The following AMTN variants were observed in gnomAD, a reference collection of about 807,000 sequenced individuals.
AMTN encodes amelotin, also known as RSTI689.
AMTN carries 29 observed loss-of-function variants against 27.4 expected under a neutral mutation model. The ratio of observed to expected loss-of-function variants is 1.06; its 90% CI spans 0.79 to 1.44. The LOEUF is 1.44. Among genes scored for constraint, AMTN ranks in the 40% most tolerant of loss-of-function variants. AMTN has a pLI of 0.00. For synonymous variants in AMTN, 86 were observed against 95.7 expected, an observed-to-expected ratio of 0.90 and a Z score of 0.59; for missense variants, 247 against 248.8, an observed-to-expected ratio of 0.99 and a Z score of 0.05.
At chr4:70,526,123 T>G (rs1237678147) in intron 5 of AMTN, among the ~76,000 whole-genome samples, 1 of 152,130 alleles carries the variant, frequency 6.6e-6, no homozygotes, top group Non-Finnish European at 1.5e-5. Context: ...AATTTACATA[T>G]AAGCAAAAAA....
Position 70,524,896 on chromosome 4 carries a change from C to G in AMTN, c.229C>G (p.Pro77Ala), listed in dbSNP as rs927313707. Residue 77 changes from proline (P) to alanine (A), a missense_variant, in exon 5 of 9, where the codon CCT becomes GCT. Transcript: ENST00000339336. Reference protein sequence around the residue: ...HLLNPAAGMTPGTQTHPLTLG... With the variant: ...HLLNPAAGMTAGTQTHPLTLG... ...GTTAAATCCTGCTGCAGGAATGACA[C>G]CTGGTACCCAGACCCACCCATTGAC... is the stretch of plus-strand genomic sequence containing the variant. 6.2e-7 allele frequency: 1 copy of G among 1,614,032 alleles called. No homozygotes were observed.
intron 5 of AMTN, 85 bp downstream of exon 5, chr4:70,525,046 T>C (rs1216539842): frequency 1.5e-6 from 2 of 1,308,568 alleles, no homozygotes; most frequent in Non-Finnish European, 2.1e-6. Context: ...TTTTTAAAGC[T>C]TCTTGAAAAT....
chr4:70,530,865 A>G (rs1466413784), intron 7 of AMTN, among the ~76,000 whole-genome samples, 174 bp from the exon 8 acceptor site: 2 of 152,196 alleles, frequency 1.3e-5, no homozygotes, highest in African/African-American at 4.8e-5. Context: ...CCAGTATTGA[A>G]TCAGACTAGG....
chr4:70,532,729 T>C lies in AMTN; in HGVS notation c.*264T>C, dbSNP rs1016627310. 2.8e-6 allele frequency: 1 copy of C among 358,330 alleles called. No individual in the cohort carries two copies. The highest frequency in any genetic ancestry group is 2.1e-5 in the African/African-American group (1 of 47,194). The allele number at this position is 358,330 out of a possible 1,614,324, so 22.2% of individuals were successfully genotyped here. On this transcript the variant is annotated 3_prime_UTR_variant, in exon 9 of 9. Coordinates refer to ENST00000339336, the MANE Select transcript of AMTN (RefSeq NM_212557.4). ...CCTGGATGATATGCATATTAAAACATATTTGGAAAACTGACTCTTTTTCTT... is the reference window on the plus strand; with the variant it reads ...CCTGGATGATATGCATATTAAAACACATTTGGAAAACTGACTCTTTTTCTT...
chr4:70,518,710 C>A, intron 1 of AMTN, 53 bp from the exon 2 acceptor site: 2 of 1,276,232 alleles, frequency 1.6e-6, no homozygotes, highest in African/African-American at 1.5e-5. Context: ...GTATCATTTT[C>A]TCTTAAAAGG....
At chr4:70,522,668 T>C in intron 2 of AMTN, 87 bp from the exon 3 acceptor site, 1 of 1,229,382 alleles carries the variant, frequency 8.1e-7, no homozygotes, top group South Asian at 1.2e-5. Flanking sequence ...ATAGACATGT[T>C]TGCATTGGTG....
chr4:70,529,288 G>C, intron 7 of AMTN, 78 bp downstream of exon 7: 2 of 1,123,166 alleles, frequency 1.8e-6, no homozygotes, highest in Non-Finnish European at 1.2e-6. Context: ...AGTCTCTTTT[G>C]ACCATAAATC....
Position 70,518,704 on chromosome 4 carries a change from C to T in AMTN, c.-16+50C>T, listed in dbSNP as rs1043471730. The T allele has an allele frequency of 1.3e-5, 16 of 1,225,744 alleles. No individual in the cohort carries two copies. The South Asian group carries it at 1.7e-4, about 13-fold the overall frequency. The allele number at this position is 1,225,744 out of a possible 1,614,324, so 75.9% of individuals were successfully genotyped here. ...AGTAGAACTTTTGTTTTTAAAGTAT[C>T]ATTTTCTCTTAAAAGGAAAAAAAAT... On this transcript the variant is annotated intron_variant, in intron 1 of 8. Transcript: ENST00000339336.
intron 2 of AMTN, among the ~76,000 whole-genome samples, chr4:70,522,079 T>C (rs1735984994): frequency 6.6e-6 from 1 of 152,132 alleles, no homozygotes; most frequent in African/African-American, 2.4e-5. Context: ...TTGGTCAACC[T>C]GGCAAAAGAG....
chr4:70,528,774 A>G lies in AMTN; in HGVS notation c.330+16A>G, dbSNP rs200095990. ...TGGAGCCCAGGTAAAAATTATGCTT[A>G]ATATTGTCTTGATTTTAAATCACCT... On this transcript the variant is annotated intron_variant, in intron 6 of 8. Transcript: ENST00000339336. 6 of 1,577,370 alleles carry G rather than the reference A, an allele frequency of 3.8e-6. No homozygotes were observed. Among genetic ancestry groups the G allele is most frequent in the Non-Finnish European group, 5.1e-6 (6 of 1,166,146 alleles).
intron 2 of AMTN, 150 bp downstream of exon 2, chr4:70,518,981 T>C: frequency 1.4e-6 from 1 of 714,402 alleles, no homozygotes. Context: ...AGACAGAAAA[T>C]GACAAGCTAA....
At chr4:70,524,761 C>A in intron 4 of AMTN, 111 bp from the exon 5 acceptor site, 1 of 981,408 alleles carries the variant, frequency 1.0e-6, no homozygotes, top group Non-Finnish European at 1.6e-6. Flanking sequence ...TATGTATTTA[C>A]ATAGCAACTC....
chr4:70,527,706 C>T lies in AMTN; in HGVS notation c.295-1017C>T, dbSNP rs545659299. Among the ~76,000 whole-genome samples, 8 of 152,264 alleles carry T rather than the reference C, an allele frequency of 5.3e-5. No individual in the cohort carries two copies. The South Asian group carries it at 1.0e-3, about 20-fold the overall frequency. Reference sequence around the variant, plus strand: ...TTAAGAGTCCCATTTTGATTACTTTCCTGACACTTTGAATTTTCTATAGAA... The same window carrying T: ...TTAAGAGTCCCATTTTGATTACTTTTCTGACACTTTGAATTTTCTATAGAA... On this transcript the variant is annotated intron_variant, in intron 5 of 8. Transcript: ENST00000339336.
chr4:70,531,019 G>A lies in AMTN; in HGVS notation c.358-20G>A. The A allele has an allele frequency of 1.9e-6, 3 of 1,611,734 alleles. No homozygotes were observed. Among genetic ancestry groups the A allele is most frequent in the Non-Finnish European group, 2.5e-6 (3 of 1,178,590 alleles). The stretch of plus-strand genomic sequence containing the variant: ...TGTGTTGCTTTTAACTTTGTTTTCT[G>A]TTTGCTTCCCTCATTCCAGCCACAA... On this transcript the variant is annotated intron_variant, in intron 7 of 8. Coordinates refer to ENST00000339336, the MANE Select transcript of AMTN (RefSeq NM_212557.4).
chr4:70,525,060 G>A (rs961535763), intron 5 of AMTN, 99 bp downstream of exon 5: 2 of 1,118,392 alleles, frequency 1.8e-6, no homozygotes, highest in Non-Finnish European at 2.6e-6. Flanking sequence ...TGAAAATTTT[G>A]CCCAGATTAT....
At chr4:70,530,817 A>C (rs765589390) in intron 7 of AMTN, among the ~76,000 whole-genome samples, 1 of 152,172 alleles carries the variant, frequency 6.6e-6, no homozygotes, top group Non-Finnish European at 1.5e-5. Context: ...AATAATATGT[A>C]ATTTATTTCT....
At chr4:70,521,255 C>T (rs7670833) in intron 2 of AMTN, among the ~76,000 whole-genome samples, 2,430 of 151,784 alleles carry the variant, frequency 0.016, 53 homozygotes, top group African/African-American at 0.053. Context: ...TGGTGTGCAC[C>T]GGTAATCCCA....
intron 2 of AMTN, 36 bp downstream of exon 2, chr4:70,518,867 TTTCAAC>T: frequency 6.5e-7 from 1 of 1,539,916 alleles, no homozygotes; most frequent in Non-Finnish European, 9.0e-7. Flanking sequence ...TGCCAGCCAG[TTTCAAC>T]AGCATCTCTA....
chr4:70,531,590 G>A (rs1034791221), intron 8 of AMTN, among the ~76,000 whole-genome samples: 1 of 152,150 alleles, frequency 6.6e-6, no homozygotes. Context: ...TCGGCTCACT[G>A]CAACCTCCGT....
Sources: allele counts gnomAD v4.1 joint callset (sites outside exome capture counted in the v4.1 genomes callset), GRCh38; gene constraint gnomAD v4.1.1; transcripts MANE v1.5; gene names NCBI Gene and HGNC (gene_info 2026-07-23, HGNC 2026-07-21).